The following UPB1 variants were observed in gnomAD, a reference collection of about 807,000 sequenced individuals.
The protein encoded by UPB1 is beta-ureidopropionase.
In UPB1, 40 loss-of-function variants were observed where a neutral mutation model predicts 49.1. The observed-to-expected ratio is 0.81, with a 90% CI of 0.63 to 1.06. The LOEUF is 1.06. Among genes scored for constraint, UPB1 ranks in the 50% least tolerant of loss-of-function variants. The probability of loss-of-function intolerance (pLI) is 0.00; values close to 1 mark genes in which losing one functional copy is unlikely to be tolerated. For missense variants in UPB1, 499 were observed against 505.9 expected, an observed-to-expected ratio of 0.99 and a Z score of 0.13; for synonymous variants, 207 against 198.2, an observed-to-expected ratio of 1.04 and a Z score of -0.38.
At chr22:24,498,302 A>C (rs2043928234) in intron 1 of UPB1, among the ~76,000 whole-genome samples, 1 of 152,208 alleles carries the variant, frequency 6.6e-6, no homozygotes, top group Non-Finnish European at 1.5e-5. Context: ...TCAGTGTTCC[A>C]CTGCATCTCC....
chr22:24,506,875 G>T (rs2044101097), intron 3 of UPB1, among the ~76,000 whole-genome samples: 2 of 152,104 alleles, frequency 1.3e-5, no homozygotes, highest in Admixed American at 1.3e-4. Flanking sequence ...TCTAGCACAG[G>T]TACCCCTCCT....
At position 24,518,557 on chromosome 22, in the gene UPB1, T is replaced by G. The variant is rs149103598; in HGVS notation, c.792-1830T>G. On this transcript the variant is annotated intron_variant, in intron 6 of 9. Coordinates refer to ENST00000326010, the MANE Select transcript of UPB1 (RefSeq NM_016327.3). ...AATGCTGGGCAAATCCCCACCAGCA[T>G]TGGATCACAGCATCCAGAACCATCC... is the stretch of plus-strand genomic sequence containing the variant. Among the ~76,000 whole-genome samples, 212 of 152,330 alleles carry G rather than the reference T, an allele frequency of 1.4e-3. 1 individual carries two copies. The highest frequency in any genetic ancestry group is 0.01 in the Middle Eastern group (3 of 294).
intron 3 of UPB1, chr22:24,502,467 C>G (rs1157098608): frequency 1.3e-6 from 1 of 781,048 alleles, no homozygotes; most frequent in Non-Finnish European, 2.4e-6. Flanking sequence ...ACCACCTGGT[C>G]CAAGCCCCTG....
chr22:24,496,410 C>T (rs1057075035), intron 1 of UPB1, among the ~76,000 whole-genome samples: 1 of 141,164 alleles, frequency 7.1e-6, no homozygotes, highest in Admixed American at 6.9e-5. Context: ...CACATACACA[C>T]ACACACACAC....
chr22:24,500,367 T>C, intron 2 of UPB1, 89 bp downstream of exon 2: 1 of 1,577,348 alleles, frequency 6.3e-7, no homozygotes, highest in South Asian at 1.1e-5. Context: ...GGCCGCATAC[T>C]CCGGGTCTGC....
chr22:24,513,276 A>G, intron 4 of UPB1, 48 bp from the exon 5 acceptor site: 1 of 1,613,320 alleles, frequency 6.2e-7, no homozygotes, highest in Non-Finnish European at 8.5e-7. Context: ...AAAAAACTAC[A>G]ACAATTGGTT....
chr22:24,497,357 G>A (rs561979523), intron 1 of UPB1, among the ~76,000 whole-genome samples: 6 of 152,252 alleles, frequency 3.9e-5, no homozygotes, highest in South Asian at 2.1e-4. Flanking sequence ...ATTCACCCCC[G>A]CCATGAGCAC....
intron 1 of UPB1, among the ~76,000 whole-genome samples, chr22:24,498,578 A>G (rs899352207): frequency 6.6e-6 from 1 of 152,088 alleles, no homozygotes; most frequent in Non-Finnish European, 1.5e-5. Context: ...ATGAGCTCGC[A>G]GGGAGCTGGG....
intron 4 of UPB1, among the ~76,000 whole-genome samples, chr22:24,511,578 T>G (rs2044201899): frequency 6.6e-6 from 1 of 150,786 alleles, no homozygotes; most frequent in Non-Finnish European, 1.5e-5. Flanking sequence ...AATCTTAAAG[T>G]GAATCTTATG....
rs541169952 is a variant in UPB1, at chr22:24,495,393, G to T, written c.-11G>T. ...TTCGTGCGCGGACACAAGCACTGGC[G>T]GACCGTGGCCATGGCGGGCGCTGAG... On this transcript the variant is annotated 5_prime_UTR_variant, in exon 1 of 10. Transcript: ENST00000326010. 2 of 1,612,626 alleles carry T rather than the reference G, an allele frequency of 1.2e-6. No homozygotes were observed. Among genetic ancestry groups the T allele is most frequent in the Non-Finnish European group, 1.7e-6 (2 of 1,179,946 alleles).
At chr22:24,513,507 T>A in intron 5 of UPB1, 22 bp downstream of exon 5, 2 of 1,611,178 alleles carry the variant, frequency 1.2e-6, no homozygotes, top group Non-Finnish European at 1.7e-6. Context: ...ATAAGATAGA[T>A]AACCAGCCCT....
intron 6 of UPB1, among the ~76,000 whole-genome samples, chr22:24,517,275 C>A (rs777766898): frequency 1.3e-5 from 2 of 152,166 alleles, no homozygotes; most frequent in Non-Finnish European, 2.9e-5. Flanking sequence ...CCTCCATCTC[C>A]CCTCAGAGAA....
chr22:24,506,389 A>G (rs181770647), intron 3 of UPB1, among the ~76,000 whole-genome samples: 1 of 152,254 alleles, frequency 6.6e-6, no homozygotes, highest in East Asian at 1.9e-4. Flanking sequence ...CCCCACCTTC[A>G]GAGGTACCTG....
chr22:24,498,514 A>G (rs1445291248), intron 1 of UPB1, among the ~76,000 whole-genome samples: 7 of 152,172 alleles, frequency 4.6e-5, no homozygotes, highest in Non-Finnish European at 1.5e-5. Context: ...TAGAGCCCCA[A>G]AGGTGGCTGT....
chr22:24,517,025 A>G (rs1244422421), intron 6 of UPB1, among the ~76,000 whole-genome samples: 1 of 152,102 alleles, frequency 6.6e-6, no homozygotes, highest in African/African-American at 2.4e-5. Flanking sequence ...CCCCCGGCCA[A>G]ATTTCAGTTG....
intron 3 of UPB1, 134 bp downstream of exon 3, chr22:24,502,347 A>G (rs2044008209): frequency 2.1e-6 from 2 of 973,788 alleles, no homozygotes; most frequent in South Asian, 2.5e-5. Context: ...TTCTCCGTCC[A>G]CATCACCAGG....
At chr22:24,509,222 G>A (rs1356079236) in intron 3 of UPB1, among the ~76,000 whole-genome samples, 2 of 152,096 alleles carry the variant, frequency 1.3e-5, no homozygotes, top group Non-Finnish European at 2.9e-5. Context: ...GCAGCATTAG[G>A]CACATAGCCA....
chr22:24,516,938 A>G (rs2044305366), intron 6 of UPB1, among the ~76,000 whole-genome samples: 1 of 152,068 alleles, frequency 6.6e-6, no homozygotes, highest in Non-Finnish European at 1.5e-5. Context: ...CTTAGCCAGG[A>G]TGGTCTCGAT....
At chr22:24,520,732 T>C (rs2044375763) in intron 7 of UPB1, among the ~76,000 whole-genome samples, 1 of 152,236 alleles carries the variant, frequency 6.6e-6, no homozygotes, top group Non-Finnish European at 1.5e-5. Context: ...ATTGACCCCA[T>C]ACACTTAACA....
Sources: allele counts gnomAD v4.1 joint callset (sites outside exome capture counted in the v4.1 genomes callset), GRCh38; gene constraint gnomAD v4.1.1; transcripts MANE v1.5; gene names NCBI Gene and HGNC (gene_info 2026-07-23, HGNC 2026-07-21).